UGT2B11: variants seen among roughly 807,000 people sequenced by gnomAD.
UGT2B11 encodes UDP-glucuronosyltransferase 2B11.
UGT2B11 carries 49 observed loss-of-function variants against 51.7 expected under a neutral mutation model. That is an observed-to-expected ratio of 0.95 (90% CI 0.75 to 1.20). UGT2B11 has a LOEUF of 1.20. Among genes scored for constraint, UGT2B11 ranks in the 50% most tolerant of loss-of-function variants. UGT2B11 has a pLI of 0.00. For missense variants in UGT2B11, 810 were observed against 622.1 expected, an observed-to-expected ratio of 1.30 and a Z score of -3.21; for synonymous variants, 273 against 209.0, an observed-to-expected ratio of 1.31 and a Z score of -2.64.
intron 2 of UGT2B11, among the ~76,000 whole-genome samples, chr4:69,208,733 G>A (rs1721951080): frequency 1.3e-5 from 2 of 151,624 alleles, no homozygotes; most frequent in Non-Finnish European, 3.0e-5. Flanking sequence ...ATGGAGGAAA[G>A]AAATGGAGCT....
chr4:69,202,079 A>G (rs1207795907), intron 5 of UGT2B11, among the ~76,000 whole-genome samples: 1 of 151,742 alleles, frequency 6.6e-6, no homozygotes, highest in African/African-American at 2.4e-5. Flanking sequence ...TACGTACTCA[A>G]AAGTGTCTTT....
Position 69,200,258 on chromosome 4 carries a change from C to T in UGT2B11, c.*182G>A, listed in dbSNP as rs1408968093. Reference sequence around the variant, plus strand: ...GCCACAAAATATTTCTAACCATTACCTGGGTGGTAAATCTCTGAAAAACAA... The same window carrying T: ...GCCACAAAATATTTCTAACCATTACTTGGGTGGTAAATCTCTGAAAAACAA... On this transcript the variant is annotated 3_prime_UTR_variant, in exon 6 of 6. Transcript: ENST00000446444. 5.9e-6 allele frequency: 5 copies of T among 848,036 alleles called. No individual in the cohort carries two copies. The highest frequency in any genetic ancestry group is 3.5e-5 in the African/African-American group (2 of 56,354). 52.5% of individuals were successfully genotyped at this position (848,036 alleles called of 1,614,324 possible). A position where few individuals can be genotyped will look rare whatever the true frequency, so the allele number is the denominator to read the frequency against.
At chr4:69,222,888 C>T in the UGT2B11 span, among the ~76,000 whole-genome samples, 2 of 152,122 alleles carry the variant, frequency 1.3e-5, no homozygotes. Flanking sequence ...CTTTCCGATG[C>T]ACCTTTAACA....
upstream of UGT2B11, among the ~76,000 whole-genome samples, chr4:69,218,766 A>G (rs898428417): frequency 6.6e-6 from 1 of 152,150 alleles, no homozygotes; most frequent in Admixed American, 6.6e-5. Flanking sequence ...CTGAAGGGAA[A>G]GAGTTGAATG....
rs748745241 is a variant in UGT2B11 at position 69,214,344 on chromosome 4, A to G, written c.379T>C (p.Cys127Arg). Residue 127 changes from cysteine to arginine, a missense_variant, in exon 1 of 6, where the codon TGT (cysteine) becomes CGT (arginine). Coordinates refer to ENST00000446444, the MANE Select transcript of UGT2B11 (RefSeq NM_001073.3). ...TTCTTATTTGAAACTACATCTTTAC[A>G]GAAGTTTCTAAATATGTCATATAAT... Reference protein sequence around the residue: ...WELYDIFRNFCKDVVSNKKVM... With the variant: ...WELYDIFRNFRKDVVSNKKVM... The G allele has an allele frequency of 1.2e-6, 2 of 1,612,716 alleles. No individual in the cohort carries two copies. Among genetic ancestry groups the G allele is most frequent in the African/African-American group, 1.3e-5 (1 of 74,790 alleles).
intron 5 of UGT2B11, among the ~76,000 whole-genome samples, chr4:69,202,629 T>C (rs1353748887): frequency 6.6e-6 from 1 of 151,740 alleles, no homozygotes; most frequent in Non-Finnish European, 1.5e-5. Flanking sequence ...CATTTTAGAT[T>C]GTAAGACTCC....
At chr4:69,219,131 C>T (rs1577970030), upstream of UGT2B11, among the ~76,000 whole-genome samples, 1 of 152,024 alleles carries the variant, frequency 6.6e-6, no homozygotes, top group East Asian at 1.9e-4. Flanking sequence ...CTCCAAAGAT[C>T]TGTTCAAATT....
At chr4:69,223,741 G>A in the UGT2B11 span, among the ~76,000 whole-genome samples, 2 of 152,150 alleles carry the variant, frequency 1.3e-5, no homozygotes, top group South Asian at 2.1e-4. Flanking sequence ...CTGTACTCTA[G>A]GCTTCTGTCC....
At chr4:69,204,694 T>A in intron 4 of UGT2B11, 45 bp from the exon 5 acceptor site, 1 of 1,609,238 alleles carries the variant, frequency 6.2e-7, no homozygotes, top group Non-Finnish European at 8.5e-7. Flanking sequence ...AGGAATAAAA[T>A]GAGATGCACA....
At chr4:69,222,745 C>T in the UGT2B11 span, among the ~76,000 whole-genome samples, 1 of 152,198 alleles carries the variant, frequency 6.6e-6, no homozygotes, top group Non-Finnish European at 1.5e-5. Context: ...GAGAATTTCC[C>T]TAAATTTGCC....
intron 5 of UGT2B11, 89 bp downstream of exon 5, chr4:69,204,341 C>A: frequency 2.6e-6 from 4 of 1,541,004 alleles, no homozygotes; most frequent in Non-Finnish European, 3.5e-6. Context: ...CAAGATTACT[C>A]TCTTATAAAA....
chr4:69,205,850 C>T (rs188278082), intron 3 of UGT2B11, among the ~76,000 whole-genome samples: 1 of 151,660 alleles, frequency 6.6e-6, no homozygotes, highest in East Asian at 2.0e-4. Flanking sequence ...GAAGACCTAC[C>T]TGCAGTCAAC....
intron 5 of UGT2B11, among the ~76,000 whole-genome samples, chr4:69,203,033 A>C (rs1721717828): frequency 6.6e-6 from 1 of 151,672 alleles, no homozygotes; most frequent in African/African-American, 2.4e-5. Context: ...ATTTAACTTA[A>C]AATTATATTT....
chr4:69,201,017 T>C (rs529431355), intron 5 of UGT2B11, among the ~76,000 whole-genome samples: 106 of 151,902 alleles, frequency 7.0e-4, no homozygotes, highest in African/African-American at 2.5e-3. Flanking sequence ...TGTTAAGTTT[T>C]TGTGGGTCCA....
chr4:69,212,446 T>C, intron 2 of UGT2B11, 127 bp downstream of exon 2: 1 of 1,472,760 alleles, frequency 6.8e-7, no homozygotes, highest in South Asian at 1.3e-5. Flanking sequence ...CTAATTAGTA[T>C]CTGCTTTACA....
intron 3 of UGT2B11, among the ~76,000 whole-genome samples, chr4:69,206,771 T>C (rs893073774): frequency 1.2e-4 from 18 of 151,714 alleles, no homozygotes; most frequent in Non-Finnish European, 1.5e-4. Context: ...TTATGTATTT[T>C]ATATTAGTTT....
rs369596240 is a variant in UGT2B11, at chr4:69,206,189, G to C, written c.1003-622C>G. Among the ~76,000 whole-genome samples the C allele has an allele frequency of 1.1e-4, 16 of 151,360 alleles. No homozygotes were observed. The East Asian group carries it at 2.9e-3, about 28-fold the overall frequency. On this transcript the variant is annotated intron_variant, in intron 3 of 5. Transcript: ENST00000446444. ...TCCATGAAAATATATGTTAGTTGCA[G>C]TACTATTCACAATAGCAAGGACATG...
At chr4:69,218,879 T>C (rs1199586907), upstream of UGT2B11, among the ~76,000 whole-genome samples, 2 of 152,244 alleles carry the variant, frequency 1.3e-5, no homozygotes, top group African/African-American at 2.4e-5. Context: ...TCTGTGCAAT[T>C]TCTGGGAGAC....
intron 5 of UGT2B11, among the ~76,000 whole-genome samples, chr4:69,202,864 T>G (rs1216183219): frequency 6.6e-6 from 1 of 151,664 alleles, no homozygotes; most frequent in African/African-American, 2.4e-5. Context: ...CCATTTTCTT[T>G]GGGATAAAGT....
Sources: allele counts gnomAD v4.1 joint callset (sites outside exome capture counted in the v4.1 genomes callset), GRCh38; gene constraint gnomAD v4.1.1; transcripts MANE v1.5; gene names NCBI Gene and HGNC (gene_info 2026-07-23, HGNC 2026-07-21).